The following ECE1 variants were observed in gnomAD, a reference collection of about 807,000 sequenced individuals.
ECE1 encodes endothelin-converting enzyme 1.
In ECE1, 35 loss-of-function variants were observed where a neutral mutation model predicts 98.6. The observed-to-expected ratio is 0.35, with a 90% CI of 0.27 to 0.47. The LOEUF (loss-of-function observed/expected upper bound fraction) is 0.47, where lower values mean the gene tolerates loss of function less well. Ranked by LOEUF, ECE1 falls within the 20% of genes least tolerant of loss-of-function variation. The pLI, the probability that ECE1 is intolerant of heterozygous loss-of-function variation, is 1.00. For missense variants in ECE1, 814 were observed against 1,025.3 expected (o/e 0.79, Z 2.81); for synonymous variants, 394 against 407.1 (o/e 0.97, Z 0.39).
At chr1:21,222,667 C>A (rs1468938093) in intron 17 of ECE1, among the ~76,000 whole-genome samples, 1 of 151,768 alleles carries the variant, frequency 6.6e-6, no homozygotes, top group Non-Finnish European at 1.5e-5. Flanking sequence ...ATGGTGAAAC[C>A]CCATCTCTAC....
rs138597947 is a variant in ECE1, at chr1:21,315,649, A to C, written c.4-25493T>G. ...TCTCTACTAAAAATACAAAAATTAG[A>C]CAGGTGTGGTAGCGCATGCCTGTAA... is the stretch of plus-strand genomic sequence containing the variant. On this transcript the variant is annotated intron_variant, in intron 1 of 18. Coordinates refer to the ECE1 transcript ENST00000415912. Among the ~76,000 whole-genome samples, 746 of 151,828 alleles carry C rather than the reference A, an allele frequency of 4.9e-3. 5 individuals are homozygous for C. Among genetic ancestry groups the C allele is most frequent in the African/African-American group, 0.016 (679 of 41,400 alleles).
chr1:21,259,919 CCT>C (rs926600321), intron 5 of ECE1, among the ~76,000 whole-genome samples: 2 of 152,100 alleles, frequency 1.3e-5, no homozygotes, highest in African/African-American at 4.8e-5. Flanking sequence ...AAACATAACC[CCT>C]GAGGAAAAAA....
chr1:21,221,727 T>C lies in ECE1; in HGVS notation c.2136+20A>G, dbSNP rs762886651. ...ATGGCAGAATGTACCATGTGTGGCA[T>C]GTTTTCCTAATGGACTCACCTGTGC... On this transcript the variant is annotated intron_variant, in intron 18 of 18. Coordinates refer to ENST00000374893, the MANE Select transcript of ECE1 (RefSeq NM_001397.3). 6.2e-7 allele frequency: 1 copy of C among 1,612,064 alleles called. No individual in the cohort carries two copies. The highest frequency in any genetic ancestry group is 1.7e-5 in the Admixed American group (1 of 60,020).
In ECE1 at chr1:21,225,295, C is replaced by A. The variant is rs756122237; in HGVS notation, c.1995G>T (p.Leu665=). ...CCCCGTTGTCGGCGATGTTCTCCCC[C>A]AGGGTGTGCCGCCCGTTCACCGGCT... The part of the protein sequence containing the change: ...NGEPVNGRHT[L]GENIADNGGL... Residue 665 remains leucine, a synonymous_variant, in exon 17 of 19, where the codon CTG becomes CTT. Transcript: ENST00000374893. This position sits in a 1 kb window ranked among gnomAD's most constrained non-coding sequence, Gnocchi z 5.3. 3 of 1,614,246 alleles carry A rather than the reference C, an allele frequency of 1.9e-6. No individual in the cohort carries two copies. The highest frequency in any genetic ancestry group is 2.5e-6 in the Non-Finnish European group (3 of 1,180,040).
intron 8 of ECE1, among the ~76,000 whole-genome samples, chr1:21,248,604 C>A (rs760887703): frequency 6.6e-6 from 1 of 151,964 alleles, no homozygotes; most frequent in Non-Finnish European, 1.5e-5. Flanking sequence ...ACCCTAAAGG[C>A]GCTTGTTCAG....
intron 8 of ECE1, among the ~76,000 whole-genome samples, chr1:21,255,472 T>C (rs2103282085): frequency 6.6e-6 from 1 of 152,324 alleles, no homozygotes; most frequent in East Asian, 1.9e-4. Flanking sequence ...TAACGCCCTG[T>C]TGTACAGTGA....
chr1:21,256,270 G>A (rs558510331), intron 7 of ECE1, 132 bp from the exon 8 acceptor site: 17 of 1,019,534 alleles, frequency 1.7e-5, no homozygotes, highest in East Asian at 2.6e-5. Flanking sequence ...CAAGACACCC[G>A]TGGGGCCAGG....
chr1:21,318,203 G>A (rs1412176868), intron 1 of ECE1, among the ~76,000 whole-genome samples: 1 of 152,240 alleles, frequency 6.6e-6, no homozygotes, highest in Non-Finnish European at 1.5e-5. Context: ...GTGGGGAGCA[G>A]GAGGCCCTCG....
Position 21,290,146 on chromosome 1 carries a change from T to C in ECE1, c.62A>G (p.Tyr21Cys). The change falls in exon 2 of 19, where the codon TAC becomes TGC. Residue 21 changes from tyrosine to cysteine, a missense_variant. Coordinates refer to ENST00000374893, the MANE Select transcript of ECE1 (RefSeq NM_001397.3). The surrounding 1 kb of genome is among the most constrained non-coding windows in gnomAD (Gnocchi z 7.3). ...CTCCTCGTCCAGCGTGGCCCGCTTG[T>C]ACGTCGACATCTGCAAGGCCAAATG... is the stretch of plus-strand genomic sequence containing the variant. The part of the protein sequence containing the change: ...ALLSALGMST[Y>C]KRATLDEEDL... The C allele has an allele frequency of 6.4e-7, 1 of 1,565,198 alleles. No homozygotes were observed. Among genetic ancestry groups the C allele is most frequent in the South Asian group, 1.2e-5 (1 of 85,374 alleles).
At chr1:21,262,330 G>C (rs1220974920) in intron 4 of ECE1, among the ~76,000 whole-genome samples, 2 of 152,238 alleles carry the variant, frequency 1.3e-5, no homozygotes. Flanking sequence ...AGAGGACTCT[G>C]TGAGGGGAGG....
intron 4 of ECE1, among the ~76,000 whole-genome samples, chr1:21,272,369 G>A (rs2098241205): frequency 6.6e-6 from 1 of 152,190 alleles, no homozygotes; most frequent in Non-Finnish European, 1.5e-5. Flanking sequence ...TCGGCTCACT[G>A]CAACCTCTGC....
At position 21,220,053 on chromosome 1, in the gene ECE1, C is replaced by T. The variant is rs2098165427; in HGVS notation, c.2215G>A (p.Val739Ile). ...TDPHSPSRFR[V>I]IGSLSNSKEF... ...TTGGAATTGGAGAGGGAGCCGATGA[C>T]CCGGAAGCGAGAGGGGCTGTGGGGA... Residue 739 changes from valine to isoleucine, a missense_variant, in exon 19 of 19, where the codon GTC becomes ATC. By Grantham distance (29) the Val-to-Ile change is conservative. Coordinates refer to ENST00000374893, the MANE Select transcript of ECE1 (RefSeq NM_001397.3). The surrounding 1 kb of genome is among the most constrained non-coding windows in gnomAD (Gnocchi z 5.0). 17 of 1,614,080 alleles carry T rather than the reference C, an allele frequency of 1.1e-5. No homozygotes were observed. The highest frequency in any genetic ancestry group is 1.4e-5 in the Non-Finnish European group (16 of 1,180,032).
intron 14 of ECE1, among the ~76,000 whole-genome samples, chr1:21,228,793 A>G (rs1012926556): frequency 6.6e-6 from 1 of 151,742 alleles, no homozygotes; most frequent in Non-Finnish European, 1.5e-5. Context: ...TCTCAAAAAA[A>G]AAAGAAAAAA....
At chr1:21,248,552 A>C (rs212515) in intron 8 of ECE1, among the ~76,000 whole-genome samples, 63,268 of 151,818 alleles carry the variant, frequency 0.42, 13,494 homozygotes, top group Non-Finnish European at 0.46. Flanking sequence ...CGCCTTCCAG[A>C]CCTGTAACTC....
chr1:21,296,518 CA>C (rs780248881), intron 1 of ECE1, among the ~76,000 whole-genome samples: 2 of 150,692 alleles, frequency 1.3e-5, no homozygotes, highest in Non-Finnish European at 3.0e-5. Context: ...GTCTCAACTA[CA>C]AAAAAAAGAG....
intron 3 of ECE1, among the ~76,000 whole-genome samples, chr1:21,275,126 G>C (rs1396650820): frequency 6.6e-6 from 1 of 152,214 alleles, no homozygotes; most frequent in Non-Finnish European, 1.5e-5. Context: ...TTGGCTGGTG[G>C]AGATGCCCAG....
At chr1:21,339,670 C>G (rs1020333028) in intron 1 of ECE1, among the ~76,000 whole-genome samples, 2 of 152,226 alleles carry the variant, frequency 1.3e-5, no homozygotes, top group African/African-American at 4.8e-5. Context: ...TTCATACAAG[C>G]GCTCTAGCGT....
intron 1 of ECE1, among the ~76,000 whole-genome samples, chr1:21,309,884 C>T (rs1437455195): frequency 1.3e-5 from 2 of 151,806 alleles, no homozygotes; most frequent in Non-Finnish European, 2.9e-5. Flanking sequence ...CTCCGCCTCC[C>T]GGGTTCACGC....
At position 21,224,340 on chromosome 1, in the gene ECE1, T is replaced by C. The variant is rs2103208735; in HGVS notation, c.2040+910A>G. 2.6e-5 allele frequency among the ~76,000 whole-genome samples: 4 copies of C among 152,352 alleles called. No homozygotes were observed. The South Asian group carries it at 8.3e-4, about 32-fold the overall frequency. On this transcript the variant is annotated intron_variant, in intron 17 of 18. Transcript: ENST00000374893. ...ATCTTACAGATTTATGATGTATTTA[T>C]TTGCCTTTCTTCCCCTTCCAGCCTC...
Sources: gnomAD v4.1 joint callset for allele counts (sites outside exome capture counted in the v4.1 genomes callset) on GRCh38, gnomAD v4.1.1 for gene constraint, Gnocchi (gnomAD v3.1) non-coding constraint, MANE v1.5 for transcripts, NCBI Gene and HGNC (gene_info 2026-07-23, HGNC 2026-07-21) for gene names.